The following B4GALNT3 variants were observed in gnomAD, a reference collection of about 807,000 sequenced individuals.
The protein encoded by B4GALNT3 is beta-1,4-N-acetylgalactosaminyltransferase 3.
Under a neutral mutation model 120.2 loss-of-function variants are expected in B4GALNT3, and 86 were observed. The ratio of observed to expected loss-of-function variants is 0.72; its 90% CI spans 0.60 to 0.86. B4GALNT3 has a LOEUF of 0.86. Among genes scored for constraint, B4GALNT3 ranks in the 40% least tolerant of loss-of-function variants. The pLI, the probability that B4GALNT3 is intolerant of heterozygous loss-of-function variation, is 0.00. For missense variants in B4GALNT3, 1,167 were observed against 1,298.9 expected (o/e 0.90, Z 1.56); for synonymous variants, 518 against 510.4 (o/e 1.01, Z -0.20).
intron 1 of B4GALNT3, among the ~76,000 whole-genome samples, chr12:489,617 C>A (rs215235): frequency 6.6e-6 from 1 of 152,082 alleles, no homozygotes; most frequent in Non-Finnish European, 1.5e-5. Context: ...ATATACCATG[C>A]TAACACTAAT....
chr12:489,903 T>C (rs1592019508), intron 1 of B4GALNT3, among the ~76,000 whole-genome samples: 1 of 152,332 alleles, frequency 6.6e-6, no homozygotes, highest in South Asian at 2.1e-4. Flanking sequence ...AATAGAGTTA[T>C]ACAATGTCTG....
chr12:461,425 A>G (rs1225912326), intron 1 of B4GALNT3, among the ~76,000 whole-genome samples: 1 of 151,420 alleles, frequency 6.6e-6, no homozygotes, highest in Non-Finnish European at 1.5e-5. Context: ...GTGGTTTTCA[A>G]CGTACTGTGG....
In B4GALNT3 at chr12:512,283, CCTTCCACCTT is replaced by C. The variant is rs1167627491; in HGVS notation, c.170-22871_170-22862del. 8.8e-5 allele frequency among the ~76,000 whole-genome samples: 10 copies of C among 114,068 alleles called. No individual in the cohort carries two copies. In the East Asian group the frequency reaches 1.7e-3, roughly 20 times the overall value. The allele number at this position is 114,068 out of a possible 152,430, so 74.8% of individuals were successfully genotyped here. ...TTCTTCCACCTTCTTCCACCTTCCA[CCTTCCACCTT>C]CTTCCACCTTCCACCTTCTTCCACC... On this transcript the variant is annotated intron_variant, in intron 1 of 19. Transcript: ENST00000266383.
chr12:462,060 C>T (rs1459593877), intron 1 of B4GALNT3, among the ~76,000 whole-genome samples: 1 of 152,142 alleles, frequency 6.6e-6, no homozygotes, highest in Non-Finnish European at 1.5e-5. Context: ...GAGCCCCTTC[C>T]TCTGATGACC....
Position 545,235 on chromosome 12 carries a change from C to T in B4GALNT3, c.539-134C>T. 4 of 1,462,110 alleles carry T rather than the reference C, an allele frequency of 2.7e-6. No homozygotes were observed. The South Asian group carries it at 5.6e-5, about 21-fold the overall frequency. The allele number at this position is 1,462,110 out of a possible 1,614,324, so 90.6% of individuals were successfully genotyped here. ...ACACTGTCTCCCAGGATGTAGAAAC[C>T]CCCACTTTACAGAGAGGGAAGCCAC... On this transcript the variant is annotated intron_variant, in intron 5 of 19. Transcript: ENST00000266383.
intron 1 of B4GALNT3, among the ~76,000 whole-genome samples, chr12:509,353 G>A (rs1428773630): frequency 1.3e-5 from 2 of 152,202 alleles, no homozygotes; most frequent in Non-Finnish European, 2.9e-5. Context: ...AAACTCATGC[G>A]CGTGGAGAGG....
intron 3 of B4GALNT3, among the ~76,000 whole-genome samples, chr12:543,448 G>A (rs1410797999): frequency 3.0e-4 from 32 of 106,740 alleles, no homozygotes; most frequent in Middle Eastern, 5.7e-3. Flanking sequence ...AGGAGCTGGG[G>A]CGGGCATGGG....
chr12:484,491 G>C (rs1288370224), intron 1 of B4GALNT3, among the ~76,000 whole-genome samples: 1 of 152,142 alleles, frequency 6.6e-6, no homozygotes, highest in Non-Finnish European at 1.5e-5. Flanking sequence ...CTAGCTTTAA[G>C]AATTATTCGT....
rs1947035335 is a variant in B4GALNT3 at position 548,449 on chromosome 12, C to T, written c.853+152C>T. The T allele has an allele frequency of 1.4e-6, 1 of 695,242 alleles. No individual in the cohort carries two copies. Among genetic ancestry groups the T allele is most frequent in the Admixed American group, 2.5e-5 (1 of 40,730 alleles). 43.1% of individuals were successfully genotyped at this position (695,242 alleles called of 1,614,324 possible). ...AAGGGGTCCAGAACAAGAGTGGGAC[C>T]TTATGACCAGGAGTCCTTAACTCCC... On this transcript the variant is annotated intron_variant, in intron 9 of 19. Coordinates refer to ENST00000266383, the MANE Select transcript of B4GALNT3 (RefSeq NM_173593.4). This position sits in a 1 kb window ranked among gnomAD's most constrained non-coding sequence, Gnocchi z 4.9.
chr12:488,780 T>C (rs1004238484), intron 1 of B4GALNT3, among the ~76,000 whole-genome samples: 9 of 151,814 alleles, frequency 5.9e-5, no homozygotes, highest in Non-Finnish European at 1.2e-4. Flanking sequence ...TGATTGCACC[T>C]CTTCACTCCT....
At chr12:546,537 T>G in intron 6 of B4GALNT3, 109 bp from the exon 7 acceptor site, 2 of 974,670 alleles carry the variant, frequency 2.1e-6, no homozygotes, top group South Asian at 2.8e-5. Flanking sequence ...CCCGTCTTCC[T>G]CCCTTTTTCT....
chr12:539,252 A>G (rs961879547), intron 3 of B4GALNT3, among the ~76,000 whole-genome samples: 1 of 152,216 alleles, frequency 6.6e-6, no homozygotes, highest in Non-Finnish European at 1.5e-5. Context: ...ACTTGTTCAC[A>G]CCAACACTGA....
chr12:504,478 G>C lies in B4GALNT3; in HGVS notation c.170-30688G>C, dbSNP rs577221359. 5.2e-5 allele frequency among the ~76,000 whole-genome samples: 7 copies of C among 135,052 alleles called. No homozygotes were observed. The Admixed American group carries it at 5.5e-4, about 11-fold the overall frequency. 88.6% of individuals were successfully genotyped at this position (135,052 alleles called of 152,430 possible). On this transcript the variant is annotated intron_variant, in intron 1 of 19. Coordinates refer to ENST00000266383, the MANE Select transcript of B4GALNT3 (RefSeq NM_173593.4). The stretch of plus-strand genomic sequence containing the variant: ...CCCCGCCCCCGAACTCTTTTTTTCT[G>C]AGATGGCGTCTCACTCTGTTGCCCA...
chr12:510,224 C>T (rs2120568625), intron 1 of B4GALNT3, among the ~76,000 whole-genome samples: 1 of 152,276 alleles, frequency 6.6e-6, no homozygotes, highest in East Asian at 1.9e-4. Context: ...GCTGGTGCTG[C>T]TGTAGGGGTA....
At chr12:512,005 ACCTTCCACCTTCCG>A (rs973993851) in intron 1 of B4GALNT3, among the ~76,000 whole-genome samples, 5 of 104,270 alleles carry the variant, frequency 4.8e-5, no homozygotes, top group Non-Finnish European at 9.5e-5. Context: ...TCTTCCTTCC[ACCTTCCACCTTCCG>A]CCTTCCACCT....
intron 1 of B4GALNT3, among the ~76,000 whole-genome samples, chr12:529,418 C>T (rs1309298636): frequency 6.6e-6 from 1 of 152,182 alleles, no homozygotes; most frequent in Non-Finnish European, 1.5e-5. Context: ...CACCCAGTTA[C>T]ATCTGTAGGC....
In B4GALNT3 at chr12:460,624, C is replaced by T. The variant is rs1198752746; in HGVS notation, c.169+79C>T. ...TCCTGCGTTGGGGGGACCCGCCTCT[C>T]ATCCCATCCTCAGACCCGATTTCCC... On this transcript the variant is annotated intron_variant, in intron 1 of 19. Transcript: ENST00000266383. This position sits in a 1 kb window ranked among gnomAD's most constrained non-coding sequence, Gnocchi z 8.0. The T allele has an allele frequency of 4.1e-6, 5 of 1,226,404 alleles. No individual in the cohort carries two copies. Among genetic ancestry groups the T allele is most frequent in the East Asian group, 3.2e-5 (1 of 31,412 alleles). 76.0% of individuals were successfully genotyped at this position (1,226,404 alleles called of 1,614,324 possible).
chr12:521,726 C>T (rs1251170536), intron 1 of B4GALNT3, among the ~76,000 whole-genome samples: 7 of 152,158 alleles, frequency 4.6e-5, no homozygotes, highest in African/African-American at 1.4e-4. Flanking sequence ...TTGATGTTGC[C>T]GCAGCGTCCG....
chr12:547,994 G>A (rs768273664), intron 7 of B4GALNT3, 30 bp from the exon 8 acceptor site: 60 of 1,601,142 alleles, frequency 3.7e-5, no homozygotes, highest in African/African-American at 1.1e-4. Flanking sequence ...TGGAGATGGC[G>A]CTCTGCTTCC....
Sources: gnomAD v4.1 joint callset for allele counts (sites outside exome capture counted in the v4.1 genomes callset) on GRCh38, gnomAD v4.1.1 for gene constraint, Gnocchi (gnomAD v3.1) non-coding constraint, MANE v1.5 for transcripts, NCBI Gene and HGNC (gene_info 2026-07-23, HGNC 2026-07-21) for gene names.